Variants in TMEM232 observed in about 807,000 individuals in gnomAD.
The protein encoded by TMEM232 is transmembrane protein 232.
A neutral mutation model predicts 78.8 loss-of-function variants in TMEM232; 80 were observed. The observed-to-expected ratio is 1.01, with a 90% CI of 0.85 to 1.22. The LOEUF is 1.22. TMEM232 is among the 50% of genes most tolerant of loss of function. TMEM232 has a pLI of 0.00. For synonymous variants in TMEM232, 297 were observed against 254.3 expected (o/e 1.17, Z -1.60); for missense variants, 881 against 742.2 (o/e 1.19, Z -2.17).
intron 8 of TMEM232, chr5:110,610,727 C>A: frequency 6.3e-6 from 2 of 317,112 alleles, no homozygotes; most frequent in East Asian, 1.6e-4. Context: ...AACATCTCAT[C>A]ATAACTGTGT....
Position 110,671,003 on chromosome 5 carries a change from G to C in TMEM232, c.-12-3639C>G, listed in dbSNP as rs534223747. ...AAGATGTTTAGCTAAACTAGGAAAA[G>C]AAAACATCTTCAAAAGAAGACCAAA... On this transcript the variant is annotated intron_variant, in intron 1 of 13. Coordinates refer to ENST00000455884, the MANE Select transcript of TMEM232 (RefSeq NM_001039763.4). Among the ~76,000 whole-genome samples the C allele has an allele frequency of 2.6e-5, 4 of 152,028 alleles. No homozygotes were observed. The East Asian group carries it at 7.7e-4, about 29-fold the overall frequency.
intron 5 of TMEM232, among the ~76,000 whole-genome samples, chr5:110,629,851 C>G (rs1784895819): frequency 6.6e-6 from 1 of 152,022 alleles, no homozygotes. Context: ...AGAAGTCAAT[C>G]ATTAAGAATA....
At chr5:110,687,843 G>T (rs528299492) in intron 1 of TMEM232, among the ~76,000 whole-genome samples, 81 of 152,096 alleles carry the variant, frequency 5.3e-4, no homozygotes, top group African/African-American at 1.9e-3. Flanking sequence ...TATTCATTTT[G>T]GGGTACCACA....
At chr5:110,636,551 A>G (rs1785863364) in intron 5 of TMEM232, among the ~76,000 whole-genome samples, 1 of 152,018 alleles carries the variant, frequency 6.6e-6, no homozygotes, top group Non-Finnish European at 1.5e-5. Context: ...TTTATATATC[A>G]ATAGAAGAAA....
intron 12 of TMEM232, among the ~76,000 whole-genome samples, chr5:110,445,696 T>A (rs1393932011): frequency 6.6e-6 from 1 of 152,128 alleles, no homozygotes; most frequent in African/African-American, 2.4e-5. Context: ...TTCGGACACA[T>A]CAAAGTTCAA....
intron 11 of TMEM232, among the ~76,000 whole-genome samples, chr5:110,542,671 G>C (rs1198504569): frequency 6.6e-6 from 1 of 152,102 alleles, no homozygotes; most frequent in Admixed American, 6.6e-5. Flanking sequence ...TGAGGCAAGA[G>C]AATAAGGTCT....
At chr5:110,687,722 A>G (rs1793601216) in intron 1 of TMEM232, among the ~76,000 whole-genome samples, 1 of 151,868 alleles carries the variant, frequency 6.6e-6, no homozygotes, top group Non-Finnish European at 1.5e-5. Flanking sequence ...CTCTCTCTCT[A>G]TACATGTGTG....
chr5:110,640,903 C>T lies in TMEM232; in HGVS notation c.331G>A (p.Glu111Lys). The T allele has an allele frequency of 6.5e-7, 1 of 1,530,626 alleles. No homozygotes were observed. Among genetic ancestry groups the T allele is most frequent in the Non-Finnish European group, 8.8e-7 (1 of 1,135,964 alleles). 94.8% of individuals were successfully genotyped at this position (1,530,626 alleles called of 1,614,324 possible). Reference sequence around the variant, plus strand: ...TTAAAGTACGTACCATCTTGGATTTCCCCTTTGCATTGAGCCAGATATATT... The same window carrying T: ...TTAAAGTACGTACCATCTTGGATTTTCCCTTTGCATTGAGCCAGATATATT... ...EVIYLAQCKG[E>K]IQDESLNMLY... is the part of the protein sequence containing the mutation. Residue 111 changes from glutamate to lysine, a missense_variant, in exon 4 of 14, where the codon GAA (glutamate) becomes AAA (lysine). Physicochemically the swap from Glu to Lys is moderately conservative, Grantham distance 56. Coordinates refer to ENST00000455884, the MANE Select transcript of TMEM232 (RefSeq NM_001039763.4).
rs372699851 is a variant in TMEM232 at position 110,615,169 on chromosome 5, C to T, written c.902+3260G>A. On this transcript the variant is annotated intron_variant, in intron 8 of 13. Transcript: ENST00000455884. ...CAAAATTCTTTACTTAATCTGGAAT[C>T]CCACAAACTTCCAAATACAAGTTAG... Among the ~76,000 whole-genome samples, 8 of 151,948 alleles carry T rather than the reference C, an allele frequency of 5.3e-5. No individual in the cohort carries two copies. In the East Asian group the frequency reaches 9.7e-4, roughly 18 times the overall value.
At chr5:110,388,363 C>A (rs909565840) in intron 4 of TMEM232, among the ~76,000 whole-genome samples, 1 of 152,100 alleles carries the variant, frequency 6.6e-6, no homozygotes, top group Non-Finnish European at 1.5e-5. Flanking sequence ...TTGAACATAC[C>A]TAGTCCCAGG....
rs374757564 is a variant in TMEM232, at chr5:110,466,238, T to G, written c.1704-41322A>C. 2.3e-4 allele frequency among the ~76,000 whole-genome samples: 35 copies of G among 152,278 alleles called. No homozygotes were observed. In the East Asian group the frequency reaches 4.1e-3, roughly 18 times the overall value. On this transcript the variant is annotated intron_variant, in intron 12 of 13. Transcript: ENST00000455884. ...AAAGTAGATCACTTTCTAATGTAGA[T>G]TCACATAAACCAAATTTTTGAAAAT...
chr5:110,688,975 G>A (rs955023130), intron 1 of TMEM232, among the ~76,000 whole-genome samples: 7 of 152,008 alleles, frequency 4.6e-5, no homozygotes, highest in South Asian at 4.2e-4. Flanking sequence ...CCCATTTGTC[G>A]GTGTTATGTA....
chr5:110,721,669 G>GTATATATATATATATATATATATATA (rs749643657), intron 1 of TMEM232, among the ~76,000 whole-genome samples: 1,171 of 23,572 alleles, frequency 0.05, 46 homozygotes, highest in Middle Eastern at 0.12. Flanking sequence ...GTGTGTGTGT[G>GTATATATATATATATATATATATATA]TGTGTATATA....
chr5:110,404,970 G>C (rs890072146), intron 2 of TMEM232, among the ~76,000 whole-genome samples: 2 of 152,036 alleles, frequency 1.3e-5, no homozygotes, highest in Admixed American at 6.6e-5. Flanking sequence ...AAATTTTTCA[G>C]CCAATAAGTT....
At chr5:110,391,304 T>TGTGTGC (rs1755175388) in intron 3 of TMEM232, among the ~76,000 whole-genome samples, 1 of 138,854 alleles carries the variant, frequency 7.2e-6, no homozygotes, top group Non-Finnish European at 1.5e-5. Flanking sequence ...TGTGTGTGTG[T>TGTGTGC]GTGTGTGTGT....
chr5:110,726,727 C>T (rs1315206141), upstream of TMEM232: 2 of 152,218 alleles, frequency 1.3e-5, no homozygotes. Flanking sequence ...GTGACCAGGG[C>T]TTAGCCAATC....
intron 10 of TMEM232, among the ~76,000 whole-genome samples, chr5:110,600,716 G>A (rs1056511635): frequency 5.9e-5 from 9 of 151,966 alleles, no homozygotes; most frequent in African/African-American, 1.4e-4. Context: ...AATCACAGCC[G>A]AATTCTACCA....
At chr5:110,720,325 T>G (rs1239961565) in intron 1 of TMEM232, among the ~76,000 whole-genome samples, 1 of 152,112 alleles carries the variant, frequency 6.6e-6, no homozygotes, top group Non-Finnish European at 1.5e-5. Flanking sequence ...TTCTTATGCA[T>G]GAAGAAGACT....
intron 7 of TMEM232, 136 bp downstream of exon 7, chr5:110,625,131 G>T: frequency 1.1e-6 from 1 of 914,534 alleles, no homozygotes; most frequent in Non-Finnish European, 1.5e-6. Flanking sequence ...TCGTATCTTT[G>T]CTGTTCACCC....
Sources: allele counts gnomAD v4.1 joint callset (sites outside exome capture counted in the v4.1 genomes callset), GRCh38; gene constraint gnomAD v4.1.1; transcripts MANE v1.5; gene names NCBI Gene and HGNC (gene_info 2026-07-23, HGNC 2026-07-21).